Variants in FARSB observed in about 807,000 individuals in gnomAD.
FARSB encodes phenylalanine--tRNA ligase beta subunit.
In FARSB, 40 loss-of-function variants were observed where a neutral mutation model predicts 69.6. That is an observed-to-expected ratio of 0.57 (90% CI 0.45 to 0.75). The LOEUF is 0.75. Among genes scored for constraint, FARSB ranks in the 30% least tolerant of loss-of-function variants. The pLI is 0.00. For synonymous variants in FARSB, 235 were observed against 247.2 expected (o/e 0.95, Z 0.46); for missense variants, 632 against 722.9 (o/e 0.87, Z 1.44).
intron 16 of FARSB, among the ~76,000 whole-genome samples, chr2:222,594,121 AG>A (rs1690349502): frequency 3.6e-5 from 5 of 140,062 alleles, no homozygotes; most frequent in African/African-American, 1.3e-4. Context: ...AAAAAAAAAG[AG>A]CTGAGCATGG....
In FARSB at chr2:222,656,002, G is replaced by A. The variant is rs1482597854; in HGVS notation, c.58+14C>T. The A allele has an allele frequency of 1.3e-6, 2 of 1,588,466 alleles. No homozygotes were observed. Among genetic ancestry groups the A allele is most frequent in the African/African-American group, 1.3e-5 (1 of 74,162 alleles). ...GAAGAGGCGTAGGGCCCAACGTATA[G>A]GGCCGCCACTCACTGTAGGTGCGGC... On this transcript the variant is annotated intron_variant, in intron 1 of 16. Transcript: ENST00000281828.
In FARSB at chr2:222,602,256, C is replaced by T. The variant is rs61270911; in HGVS notation, c.1463-2173G>A. ...GGAAAAAAATGCAACTAAAATAAGGCGTTTTTAGGGTGATGGAACTTTTTG... is the reference window on the plus strand; with the variant it reads ...GGAAAAAAATGCAACTAAAATAAGGTGTTTTTAGGGTGATGGAACTTTTTG... On this transcript the variant is annotated intron_variant, in intron 15 of 16. Transcript: ENST00000281828. Among the ~76,000 whole-genome samples the T allele has an allele frequency of 3.2e-3, 491 of 152,022 alleles. 5 individuals carry two copies. The highest frequency in any genetic ancestry group is 0.011 in the African/African-American group (475 of 41,472).
intron 16 of FARSB, among the ~76,000 whole-genome samples, chr2:222,580,784 A>T (rs939703498): frequency 2.6e-5 from 4 of 152,176 alleles, no homozygotes; most frequent in African/African-American, 9.7e-5. Context: ...TTCACAAACT[A>T]AGGGACTTTA....
At chr2:222,643,837 T>A (rs1287764383) in intron 2 of FARSB, among the ~76,000 whole-genome samples, 1 of 152,060 alleles carries the variant, frequency 6.6e-6, no homozygotes, top group Non-Finnish European at 1.5e-5. Context: ...GTTTAGAATA[T>A]CTCAAGCACC....
intron 16 of FARSB, among the ~76,000 whole-genome samples, chr2:222,589,280 C>T (rs1195387879): frequency 2.0e-5 from 3 of 152,102 alleles, no homozygotes; most frequent in African/African-American, 7.2e-5. Flanking sequence ...CCCTATTTAA[C>T]AAATGGCGCT....
chr2:222,621,202 T>C (rs961004395), intron 13 of FARSB, among the ~76,000 whole-genome samples: 3 of 152,246 alleles, frequency 2.0e-5, no homozygotes, highest in African/African-American at 7.2e-5. Flanking sequence ...GAACTTGTAT[T>C]TTATCATGGC....
At chr2:222,654,593 A>T (rs1016718898) in intron 1 of FARSB, among the ~76,000 whole-genome samples, 3 of 152,242 alleles carry the variant, frequency 2.0e-5, no homozygotes, top group Non-Finnish European at 4.4e-5. Flanking sequence ...CTCATTATAA[A>T]ATAAAGCGAT....
rs1333178103 is a variant in FARSB at position 222,571,826 on chromosome 2, A to T, written c.*45T>A. 1 of 1,554,448 alleles carries T rather than the reference A, an allele frequency of 6.4e-7. No homozygotes were observed. Among genetic ancestry groups the T allele is most frequent in the African/African-American group, 1.4e-5 (1 of 72,942 alleles). ...GAGGACTTAAGGACACTAGGGGAGG[A>T]GAAAGGGACACCTGGGAAGAGAATC... On this transcript the variant is annotated 3_prime_UTR_variant, in exon 17 of 17. Coordinates refer to ENST00000281828, the MANE Select transcript of FARSB (RefSeq NM_005687.5).
chr2:222,616,479 G>A (rs1221332555), intron 14 of FARSB, among the ~76,000 whole-genome samples: 9 of 139,678 alleles, frequency 6.4e-5, no homozygotes, highest in African/African-American at 1.7e-4. Flanking sequence ...CCCAGAAGGC[G>A]GAAGTTGCAG....
Position 222,624,255 on chromosome 2 carries a change from TA to T in FARSB, c.1170+16del. On this transcript the variant is annotated intron_variant, in intron 12 of 16. Coordinates refer to ENST00000281828, the MANE Select transcript of FARSB (RefSeq NM_005687.5). ...TTTCTAACAATAAGGAGTGTTTATT[TA>T]AGGGTGCAATCTTACTTGATTAGCT... is the stretch of plus-strand genomic sequence containing the variant. 6.6e-7 allele frequency: 1 copy of T among 1,512,328 alleles called. No individual in the cohort carries two copies. The highest frequency in any genetic ancestry group is 1.1e-5 in the South Asian group (1 of 89,020). The allele number at this position is 1,512,328 out of a possible 1,614,324, so 93.7% of individuals were successfully genotyped here.
chr2:222,639,724 C>CAA, intron 4 of FARSB, 29 bp from the exon 5 acceptor site: 1 of 1,100,482 alleles, frequency 9.1e-7, no homozygotes, highest in South Asian at 1.6e-5. Flanking sequence ...TTAGAGATAG[C>CAA]AAACAGTAAG....
At chr2:222,614,512 G>C (rs962887032) in intron 14 of FARSB, among the ~76,000 whole-genome samples, 1 of 152,218 alleles carries the variant, frequency 6.6e-6, no homozygotes, top group African/African-American at 2.4e-5. Context: ...ATTTCACAAA[G>C]TAATTGAAAT....
At chr2:222,577,765 AATTTATC>A (rs1227199444) in intron 16 of FARSB, among the ~76,000 whole-genome samples, 3 of 152,212 alleles carry the variant, frequency 2.0e-5, no homozygotes, top group Non-Finnish European at 2.9e-5. Context: ...TGTGTAGAGA[AATTTATC>A]ATTTATCATT....
At chr2:222,607,662 T>A (rs1011226100) in intron 15 of FARSB, among the ~76,000 whole-genome samples, 8 of 150,570 alleles carry the variant, frequency 5.3e-5, no homozygotes, top group African/African-American at 1.7e-4. Flanking sequence ...AAAAAAAAAA[T>A]AAGAAAAGAT....
At chr2:222,589,706 T>C (rs1690213641) in intron 16 of FARSB, among the ~76,000 whole-genome samples, 1 of 152,108 alleles carries the variant, frequency 6.6e-6, no homozygotes, top group Non-Finnish European at 1.5e-5. Context: ...AGGCGAAGGA[T>C]ATCAACATGT....
Position 222,616,290 on chromosome 2 carries a change from T to TA in FARSB, c.1345-2363dup, listed in dbSNP as rs568920820. 6.8e-4 allele frequency among the ~76,000 whole-genome samples: 101 copies of TA among 148,536 alleles called. 1 individual carries two copies. The South Asian group carries it at 8.1e-3, about 12-fold the overall frequency. On this transcript the variant is annotated intron_variant, in intron 14 of 16. Transcript: ENST00000281828. Reference sequence around the variant, plus strand: ...ACATTTGAATCCGAACTCAAACTGTTAAAAAAAAAAATTGATGGGAGGCCA... The same window carrying TA: ...ACATTTGAATCCGAACTCAAACTGTTAAAAAAAAAAAATTGATGGGAGGCCA...
In FARSB at chr2:222,620,590, G is replaced by A. The variant is rs191237253; in HGVS notation, c.1252-853C>T. On this transcript the variant is annotated intron_variant, in intron 13 of 16. Coordinates refer to ENST00000281828, the MANE Select transcript of FARSB (RefSeq NM_005687.5). ...GATATAATGAGATAATGCAAGTATG[G>A]TGCCTGGCACAGAGTAAGCACTCAA... is the stretch of plus-strand genomic sequence containing the variant. Among the ~76,000 whole-genome samples, 46 of 152,332 alleles carry A rather than the reference G, an allele frequency of 3.0e-4. No individual in the cohort carries two copies. In the East Asian group the frequency reaches 7.7e-3, roughly 26 times the overall value.
intron 16 of FARSB, among the ~76,000 whole-genome samples, chr2:222,573,746 C>T (rs765002729): frequency 1.4e-4 from 22 of 152,280 alleles, no homozygotes; most frequent in Admixed American, 2.6e-4. Flanking sequence ...CACCCCTATA[C>T]AGAGCTAGAC....
intron 16 of FARSB, among the ~76,000 whole-genome samples, chr2:222,591,475 T>C (rs1690274414): frequency 6.6e-6 from 1 of 152,240 alleles, no homozygotes; most frequent in African/African-American, 2.4e-5. Context: ...ACCACCTCTA[T>C]GTGATATGAT....
Sources: gnomAD v4.1 joint callset for allele counts (sites outside exome capture counted in the v4.1 genomes callset) on GRCh38, gnomAD v4.1.1 for gene constraint, MANE v1.5 for transcripts, NCBI Gene and HGNC (gene_info 2026-07-23, HGNC 2026-07-21) for gene names.